The following TBCE variants were observed in gnomAD, a reference collection of about 807,000 sequenced individuals.
TBCE encodes tubulin folding cofactor E, also known as tubulin-specific chaperone E.
Under a neutral mutation model 77.0 loss-of-function variants are expected in TBCE, and 53 were observed. The ratio of observed to expected loss-of-function variants is 0.69; its 90% CI spans 0.55 to 0.87. The LOEUF is 0.87. Ranked by LOEUF, TBCE falls within the 40% of genes least tolerant of loss-of-function variation. The pLI, the probability that TBCE is intolerant of heterozygous loss-of-function variation, is 0.00. For synonymous variants in TBCE, 235 were observed against 241.3 expected (o/e 0.97, Z 0.24); for missense variants, 624 against 622.4 (o/e 1.00, Z -0.03).
chr1:235,385,150 A>C (rs951010416), intron 2 of TBCE, among the ~76,000 whole-genome samples: 4 of 151,942 alleles, frequency 2.6e-5, no homozygotes, highest in Admixed American at 6.6e-5. Flanking sequence ...TTAATCCTGA[A>C]TTCTAGTTTG....
intron 2 of TBCE, among the ~76,000 whole-genome samples, chr1:235,384,954 G>A (rs1677901889): frequency 6.6e-6 from 1 of 151,820 alleles, no homozygotes; most frequent in African/African-American, 2.4e-5. Context: ...TGGGCATTTA[G>A]TGCTATAAAT....
intron 15 of TBCE, among the ~76,000 whole-genome samples, chr1:235,443,167 CACACACACACACACACACATATATATAT>C (rs1682013519): frequency 6.9e-6 from 1 of 143,938 alleles, no homozygotes; most frequent in Non-Finnish European, 1.5e-5. Flanking sequence ...CATATAATTA[CACACACACACACACACACATATATATAT>C]ACACACACAC....
chr1:235,371,187 G>A lies in TBCE; in HGVS notation c.-32+3683G>A, dbSNP rs894274125. Among the ~76,000 whole-genome samples, 4 of 150,266 alleles carry A rather than the reference G, an allele frequency of 2.7e-5. No individual in the cohort carries two copies. The Admixed American group carries it at 2.7e-4, about 10-fold the overall frequency. On this transcript the variant is annotated intron_variant, in intron 1 of 16. Transcript: ENST00000642610. ...TTCTGCCACCTCAGCCTCCTCAGTA[G>A]CTGGGATTACAGGCATGCGCCACCA...
intron 3 of TBCE, among the ~76,000 whole-genome samples, chr1:235,405,250 A>T (rs1421283650): frequency 2.6e-5 from 4 of 151,694 alleles, no homozygotes; most frequent in Non-Finnish European, 4.4e-5. Flanking sequence ...GGCATGAGCC[A>T]CTGCACTGGA....
In TBCE at chr1:235,439,369, A is replaced by G. The variant is rs1158950152; in HGVS notation, c.1270+447A>G. The stretch of plus-strand genomic sequence containing the variant: ...AAATGAGCCGGGCGTGGTGGCGGGC[A>G]CCTGTAGTCCCAGCTACTCAGGAGG... On this transcript the variant is annotated intron_variant, in intron 13 of 16. Coordinates refer to ENST00000642610, the MANE Select transcript of TBCE (RefSeq NM_003193.5). Among the ~76,000 whole-genome samples, 50 of 146,758 alleles carry G rather than the reference A, an allele frequency of 3.4e-4. No individual in the cohort carries two copies. In the East Asian group the frequency reaches 4.3e-3, roughly 12 times the overall value.
intron 8 of TBCE, among the ~76,000 whole-genome samples, chr1:235,434,646 T>C (rs553957964): frequency 6.6e-6 from 1 of 151,766 alleles, no homozygotes; most frequent in African/African-American, 2.4e-5. Context: ...AAGCGATTCT[T>C]CTGCCTCAGC....
Position 235,450,326 on chromosome 1 carries a change from C to T in TBCE, c.*1564C>T. ...TTCCTGTCTCACAGGTCTTCTCACA[C>T]AGCCACAGACTGTCCTGTTGAGAAA... is the stretch of plus-strand genomic sequence containing the variant. On this transcript the variant is annotated 3_prime_UTR_variant, in exon 17 of 17. Transcript: ENST00000642610. The T allele has an allele frequency of 6.2e-7, 1 of 1,614,060 alleles. No individual in the cohort carries two copies. The highest frequency in any genetic ancestry group is 8.5e-7 in the Non-Finnish European group (1 of 1,179,900).
At chr1:235,375,507 T>G (rs974647930) in intron 1 of TBCE, among the ~76,000 whole-genome samples, 16 of 151,928 alleles carry the variant, frequency 1.1e-4, no homozygotes, top group African/African-American at 1.9e-4. Context: ...GGGGGAGTGA[T>G]CAAAGTGGTT....
chr1:235,392,562 C>A (rs1428276128), intron 2 of TBCE, among the ~76,000 whole-genome samples: 2 of 151,632 alleles, frequency 1.3e-5, no homozygotes, highest in African/African-American at 4.8e-5. Context: ...AGGCACCCCC[C>A]TCCATGCCCA....
At chr1:235,446,839 T>C in intron 15 of TBCE, among the ~76,000 whole-genome samples, 1 of 151,832 alleles carries the variant, frequency 6.6e-6, no homozygotes, top group East Asian at 1.9e-4. Context: ...CGTACATCGC[T>C]ATGCTTGGCT....
intron 2 of TBCE, among the ~76,000 whole-genome samples, chr1:235,400,408 C>CTTCTTTTTTTT (rs150764928): frequency 1.9e-5 from 2 of 106,042 alleles, no homozygotes; most frequent in African/African-American, 8.5e-5. Context: ...TATTTTTCCT[C>CTTCTTTTTTTT]TTTTTTTTTT....
At chr1:235,434,037 T>G in intron 7 of TBCE, 167 bp from the exon 8 acceptor site, 1 of 692,704 alleles carries the variant, frequency 1.4e-6, no homozygotes. Context: ...ATTTTATTTA[T>G]CACCCCCCAC....
chr1:235,438,956 T>C, intron 13 of TBCE, 34 bp downstream of exon 13: 1 of 1,614,076 alleles, frequency 6.2e-7, no homozygotes, highest in Non-Finnish European at 8.5e-7. Flanking sequence ...CTTCAGGTGG[T>C]GGATTTCCAG....
At chr1:235,419,231 CTG>C in intron 4 of TBCE, 1 of 603,018 alleles carries the variant, frequency 1.7e-6, no homozygotes, top group East Asian at 2.9e-5. Context: ...AAGTTTACCT[CTG>C]GGAGTAGAGG....
chr1:235,373,895 C>T (rs1677134289), intron 1 of TBCE, among the ~76,000 whole-genome samples: 3 of 146,076 alleles, frequency 2.1e-5, no homozygotes, highest in South Asian at 2.1e-4. Context: ...GTGATCCTCC[C>T]GCCTCGGCCT....
At chr1:235,430,057 C>CA in intron 6 of TBCE, 1 of 114,358 alleles carries the variant, frequency 8.7e-6, no homozygotes, top group South Asian at 2.7e-4. Context: ...TTTGCATAGA[C>CA]ATGTGAGTGT....
chr1:235,383,848 A>G (rs1198628168), intron 2 of TBCE, among the ~76,000 whole-genome samples: 4 of 151,972 alleles, frequency 2.6e-5, no homozygotes, highest in African/African-American at 9.7e-5. Flanking sequence ...AACTTCCAAC[A>G]CTATGTTGAA....
rs922491128 is a variant in TBCE, at chr1:235,451,739, A to G, written c.*2977A>G. 3.3e-5 allele frequency: 5 copies of G among 152,208 alleles called. No homozygotes were observed. The highest frequency in any genetic ancestry group is 7.2e-5 in the African/African-American group (3 of 41,454). 9.4% of individuals were successfully genotyped at this position (152,208 alleles called of 1,614,324 possible). ...TCTATGCAGGGCTTCTAACTGACAG[A>G]CACTGCATGTGCCTTCTGTCCCCTG... On this transcript the variant is annotated 3_prime_UTR_variant, in exon 17 of 17. Transcript: ENST00000642610.
chr1:235,389,505 G>GT (rs933287371), intron 2 of TBCE, among the ~76,000 whole-genome samples: 43 of 151,894 alleles, frequency 2.8e-4, no homozygotes, highest in African/African-American at 8.5e-4. Context: ...TTTTTGCATG[G>GT]TTTTTTTGGT....
Sources: gnomAD v4.1 joint callset for allele counts (sites outside exome capture counted in the v4.1 genomes callset) on GRCh38, gnomAD v4.1.1 for gene constraint, MANE v1.5 for transcripts, NCBI Gene and HGNC (gene_info 2026-07-23, HGNC 2026-07-21) for gene names.